Variants in SIPA1L1 observed in about 807,000 individuals in gnomAD.
SIPA1L1 encodes signal-induced proliferation-associated 1-like protein 1.
SIPA1L1 carries 26 observed loss-of-function variants against 162.7 expected under a neutral mutation model. That is an observed-to-expected ratio of 0.16 (90% confidence interval 0.12 to 0.22). The LOEUF (loss-of-function observed/expected upper bound fraction) is 0.22. SIPA1L1 is among the 10% of genes least tolerant of loss of function. SIPA1L1 has a pLI of 1.00. For missense variants in SIPA1L1, 1,874 were observed against 2,241.0 expected, an observed-to-expected ratio of 0.84 and a Z score of 3.31; for synonymous variants, 829 against 837.4, an observed-to-expected ratio of 0.99 and a Z score of 0.17.
Position 71,719,731 on chromosome 14 carries a change from G to T in SIPA1L1, c.4209-3916G>T, listed in dbSNP as rs1203217244. ...TGGTCTCAAATTCCTGACCTCAGGTGATCTGCCTGCCTTGGCCCCCAAAGT... is the reference window on the plus strand; with the variant it reads ...TGGTCTCAAATTCCTGACCTCAGGTTATCTGCCTGCCTTGGCCCCCAAAGT... On this transcript the variant is annotated intron_variant, in intron 17 of 23. Coordinates refer to ENST00000381232, the MANE Select transcript of SIPA1L1 (RefSeq NM_001386936.1). 5.3e-5 allele frequency among the ~76,000 whole-genome samples: 8 copies of T among 152,178 alleles called. No homozygotes were observed. In the East Asian group the frequency reaches 1.5e-3, roughly 29 times the overall value.
intron 7 of SIPA1L1, among the ~76,000 whole-genome samples, chr14:71,626,268 G>T (rs1436118497): frequency 6.6e-6 from 1 of 152,144 alleles, no homozygotes; most frequent in Non-Finnish European, 1.5e-5. Context: ...CCGTTCAACA[G>T]GAGTATTACT....
chr14:71,646,278 G>A (rs372194724), intron 7 of SIPA1L1, among the ~76,000 whole-genome samples: 15 of 151,308 alleles, frequency 9.9e-5, no homozygotes, highest in South Asian at 8.4e-4. Flanking sequence ...CCGGGTTCAC[G>A]CCATTCTCCT....
intron 2 of SIPA1L1, among the ~76,000 whole-genome samples, chr14:71,378,239 A>T (rs1010190579): frequency 2.1e-5 from 3 of 146,112 alleles, no homozygotes; most frequent in Non-Finnish European, 3.0e-5. Context: ...GTTTTCTGTT[A>T]TTTTCTTCTT....
chr14:71,525,519 T>C (rs2052775155), intron 3 of SIPA1L1, among the ~76,000 whole-genome samples: 1 of 152,214 alleles, frequency 6.6e-6, no homozygotes, highest in African/African-American at 2.4e-5. Context: ...CACCTTCTTT[T>C]CTTTATTTCT....
chr14:71,718,888 T>C (rs939513436), intron 17 of SIPA1L1, among the ~76,000 whole-genome samples: 1 of 152,160 alleles, frequency 6.6e-6, no homozygotes, highest in East Asian at 1.9e-4. Context: ...TTGATGAACA[T>C]TTGGATTGTT....
intron 20 of SIPA1L1, among the ~76,000 whole-genome samples, chr14:71,731,299 C>CG (rs2084752856): frequency 6.6e-6 from 1 of 152,162 alleles, no homozygotes; most frequent in Non-Finnish European, 1.5e-5. Flanking sequence ...ACCCTGCTCG[C>CG]CCCAAGGATC....
At chr14:71,630,766 G>T (rs993178894) in intron 7 of SIPA1L1, among the ~76,000 whole-genome samples, 1 of 151,894 alleles carries the variant, frequency 6.6e-6, no homozygotes, top group Non-Finnish European at 1.5e-5. Flanking sequence ...ACTACAAGGT[G>T]TAGTATTTCT....
At chr14:71,602,936 C>G (rs1207168704) in intron 5 of SIPA1L1, among the ~76,000 whole-genome samples, 1 of 152,224 alleles carries the variant, frequency 6.6e-6, no homozygotes, top group African/African-American at 2.4e-5. Flanking sequence ...AAACCTGTTC[C>G]TGGTGCCAAA....
intron 15 of SIPA1L1, chr14:71,704,798 A>C (rs886544328): frequency 6.3e-7 from 1 of 1,588,352 alleles, no homozygotes; most frequent in Non-Finnish European, 8.6e-7. Flanking sequence ...AATATTTCCA[A>C]AGTGTCATGG....
At chr14:71,665,864 AAC>A (rs1279380190) in intron 10 of SIPA1L1, among the ~76,000 whole-genome samples, 3 of 152,196 alleles carry the variant, frequency 2.0e-5, no homozygotes, top group East Asian at 1.9e-4. Flanking sequence ...AATAAAATAT[AAC>A]AGTTATAACA....
chr14:71,328,460 G>T (rs2140236444), intron 2 of SIPA1L1, among the ~76,000 whole-genome samples: 1 of 152,306 alleles, frequency 6.6e-6, no homozygotes, highest in Middle Eastern at 3.4e-3. Context: ...AGGTGATTCT[G>T]TTATGCTTCT....
intron 2 of SIPA1L1, among the ~76,000 whole-genome samples, chr14:71,323,166 T>TA (rs1324521349): frequency 6.6e-6 from 1 of 152,212 alleles, no homozygotes; most frequent in African/African-American, 2.4e-5. Flanking sequence ...TAGGAACTTT[T>TA]AAAAAACACT....
chr14:71,426,474 T>C (rs1431927495), intron 2 of SIPA1L1, among the ~76,000 whole-genome samples: 1 of 148,302 alleles, frequency 6.7e-6, no homozygotes, highest in Non-Finnish European at 1.5e-5. Context: ...ATACCCTAAT[T>C]TGAATTTCTT....
chr14:71,473,167 C>T (rs997134607), intron 2 of SIPA1L1, among the ~76,000 whole-genome samples: 5 of 151,960 alleles, frequency 3.3e-5, no homozygotes, highest in Admixed American at 2.0e-4. Flanking sequence ...TGAATGAAAA[C>T]AGTACACATT....
chr14:71,561,980 A>AT (rs915283124), intron 4 of SIPA1L1, among the ~76,000 whole-genome samples: 3 of 151,944 alleles, frequency 2.0e-5, no homozygotes, highest in Non-Finnish European at 2.9e-5. Context: ...AACACAGTAT[A>AT]TTTTTTCACG....
intron 2 of SIPA1L1, among the ~76,000 whole-genome samples, chr14:71,383,362 A>G (rs1384419970): frequency 1.3e-5 from 2 of 152,212 alleles, no homozygotes; most frequent in African/African-American, 2.4e-5. Context: ...CCATTTATGT[A>G]GAGTCTCAAA....
chr14:71,389,798 T>C (rs1440808967), intron 2 of SIPA1L1, among the ~76,000 whole-genome samples: 1 of 152,214 alleles, frequency 6.6e-6, no homozygotes, highest in African/African-American at 2.4e-5. Context: ...AGCCCACCCT[T>C]TCCTCGGTCT....
chr14:71,475,262 A>T (rs12887261), intron 2 of SIPA1L1, among the ~76,000 whole-genome samples: 28,120 of 152,212 alleles, frequency 0.18, 3,102 homozygotes, highest in Middle Eastern at 0.36. Context: ...GTTTGTTAAA[A>T]GCTTATCTGT....
chr14:71,323,383 A>G (rs767896895), intron 2 of SIPA1L1, among the ~76,000 whole-genome samples: 1 of 152,198 alleles, frequency 6.6e-6, no homozygotes, highest in Non-Finnish European at 1.5e-5. Context: ...AAATGGTATG[A>G]GAGTGGAATT....
Sources: allele counts gnomAD v4.1 joint callset (sites outside exome capture counted in the v4.1 genomes callset), GRCh38; gene constraint gnomAD v4.1.1; transcripts MANE v1.5; gene names NCBI Gene and HGNC (gene_info 2026-07-23, HGNC 2026-07-21).